The following COBL variants were observed in gnomAD, a reference collection of about 807,000 sequenced individuals.
COBL encodes cordon-bleu WH2 repeat protein.
COBL carries 51 observed loss-of-function variants against 98.8 expected under a neutral mutation model. The observed-to-expected ratio is 0.52, with a 90% CI of 0.41 to 0.65. The LOEUF (loss-of-function observed/expected upper bound fraction) is 0.65. Ranked by LOEUF, COBL falls within the 30% of genes least tolerant of loss-of-function variation. The probability of loss-of-function intolerance (pLI) is 0.00; values close to 1 mark genes in which losing one functional copy is unlikely to be tolerated. For synonymous variants in COBL, 634 were observed against 651.7 expected (o/e 0.97, Z 0.41); for missense variants, 1,617 against 1,617.5 (o/e 1.00, Z 0.01).
intron 1 of COBL, among the ~76,000 whole-genome samples, chr7:51,278,296 G>A (rs1343888982): frequency 6.6e-6 from 1 of 151,854 alleles, no homozygotes; most frequent in East Asian, 1.9e-4. Context: ...AGAGCCAGGT[G>A]GACAAGGCAC....
rs186536711 is a variant in COBL at position 51,024,426 on chromosome 7, A to G, written c.3768+683T>C. 2.8e-3 allele frequency among the ~76,000 whole-genome samples: 423 copies of G among 152,340 alleles called. 3 individuals are homozygous for G. Among genetic ancestry groups the G allele is most frequent in the African/African-American group, 9.9e-3 (410 of 41,580 alleles). On this transcript the variant is annotated intron_variant, in intron 12 of 12. Coordinates refer to ENST00000265136, the MANE Select transcript of COBL (RefSeq NM_015198.5). ...AGGAATGGGCAGGGACGGAGGGTCA[A>G]TCCATTACTGAATCATGTCAGAATT...
intron 1 of COBL, among the ~76,000 whole-genome samples, chr7:51,292,961 G>C (rs1025240880): frequency 6.6e-6 from 1 of 152,182 alleles, no homozygotes; most frequent in Non-Finnish European, 1.5e-5. Flanking sequence ...AGAATTGAAG[G>C]AATAAGTTAC....
chr7:51,267,153 T>C (rs1322498163), intron 1 of COBL, among the ~76,000 whole-genome samples: 1 of 152,174 alleles, frequency 6.6e-6, no homozygotes, highest in Non-Finnish European at 1.5e-5. Flanking sequence ...AATAAGTATC[T>C]CATTTACTTT....
chr7:51,124,276 T>A (rs1156294570), intron 6 of COBL, among the ~76,000 whole-genome samples: 4 of 152,194 alleles, frequency 2.6e-5, no homozygotes. Context: ...CCAGTGTACT[T>A]CCACATGCAA....
chr7:51,257,095 C>A (rs28460869), intron 1 of COBL, among the ~76,000 whole-genome samples: 3 of 152,090 alleles, frequency 2.0e-5, no homozygotes, highest in Non-Finnish European at 2.9e-5. Flanking sequence ...AGCTTCCTAG[C>A]GGTCATGGCA....
chr7:51,210,562 C>A (rs529942302), intron 2 of COBL, among the ~76,000 whole-genome samples: 3 of 152,308 alleles, frequency 2.0e-5, no homozygotes, highest in South Asian at 4.1e-4. Context: ...CAGGTAAACA[C>A]AGCTTTCTAA....
intron 1 of COBL, among the ~76,000 whole-genome samples, chr7:51,226,860 A>G (rs998320397): frequency 6.6e-5 from 10 of 152,158 alleles, no homozygotes; most frequent in African/African-American, 2.4e-4. Context: ...TACCCCTGGC[A>G]ACTTCATATG....
At chr7:51,090,656 C>A (rs1183121713) in intron 6 of COBL, among the ~76,000 whole-genome samples, 1 of 152,190 alleles carries the variant, frequency 6.6e-6, no homozygotes, top group Non-Finnish European at 1.5e-5. Flanking sequence ...CAGGCAAAGG[C>A]CAGCACAGCT....
At chr7:51,036,119 A>C (rs947629376) in intron 8 of COBL, among the ~76,000 whole-genome samples, 4 of 152,166 alleles carry the variant, frequency 2.6e-5, no homozygotes, top group African/African-American at 9.7e-5. Context: ...AGGTGGGCAG[A>C]TCACTTGAGG....
At chr7:51,191,204 G>A in intron 3 of COBL, 126 bp from the exon 4 acceptor site, 1 of 744,690 alleles carries the variant, frequency 1.3e-6, no homozygotes, top group Non-Finnish European at 2.3e-6. Context: ...TCCACAAATT[G>A]AGTGAGTAAT....
intron 1 of COBL, among the ~76,000 whole-genome samples, chr7:51,238,966 T>C (rs1795523162): frequency 6.6e-6 from 1 of 152,232 alleles, no homozygotes; most frequent in Admixed American, 6.5e-5. Flanking sequence ...TCTGGAATGC[T>C]GGTAGCGTAC....
At position 51,219,833 on chromosome 7, in the gene COBL, C is replaced by T. The variant is rs768718926; in HGVS notation, c.153G>A (p.Leu51=). 62 of 1,613,978 alleles carry T rather than the reference C, an allele frequency of 3.8e-5. No individual in the cohort carries two copies. In the East Asian group the frequency reaches 1.1e-3, roughly 29 times the overall value. Residue 51 remains leucine (L), a synonymous_variant, in exon 2 of 13, where the codon TTG becomes TTA. Transcript: ENST00000265136. ...CCCTCAGCGCCTCCTTCATGCGAAC[C>T]AAGTTCTGCTGCGACCCGAGGGCCC... ...HDGALGSQQN[L]VRMKEALRAS...
At chr7:51,057,652 T>C (rs1790898896) in intron 7 of COBL, among the ~76,000 whole-genome samples, 1 of 152,164 alleles carries the variant, frequency 6.6e-6, no homozygotes, top group Non-Finnish European at 1.5e-5. Context: ...AGCCAGCAAA[T>C]TAAATGTTTC....
intron 8 of COBL, among the ~76,000 whole-genome samples, chr7:51,041,410 A>G (rs1456639372): frequency 6.6e-6 from 1 of 152,038 alleles, no homozygotes; most frequent in Non-Finnish European, 1.5e-5. Flanking sequence ...TATATTATAA[A>G]AGCATTCATT....
chr7:51,276,379 A>G (rs1799312387), intron 1 of COBL, among the ~76,000 whole-genome samples: 1 of 152,138 alleles, frequency 6.6e-6, no homozygotes, highest in Admixed American at 6.5e-5. Flanking sequence ...ATGGAACCTG[A>G]GCTTCTATGA....
At chr7:51,257,883 C>T (rs1166363893) in intron 1 of COBL, among the ~76,000 whole-genome samples, 1 of 152,054 alleles carries the variant, frequency 6.6e-6, no homozygotes, top group Admixed American at 6.6e-5. Flanking sequence ...CTGTCTATTC[C>T]TATAAGACCT....
At chr7:51,255,488 G>C (rs1026612768) in intron 1 of COBL, among the ~76,000 whole-genome samples, 1 of 152,172 alleles carries the variant, frequency 6.6e-6, no homozygotes, top group African/African-American at 2.4e-5. Flanking sequence ...TTTCATTCCC[G>C]CATCGTGTTC....
intron 9 of COBL, 134 bp from the exon 10 acceptor site, chr7:51,029,725 G>T (rs1787969260): frequency 1.4e-6 from 1 of 732,002 alleles, no homozygotes; most frequent in Non-Finnish European, 2.1e-6. Context: ...TGTTATTTGG[G>T]TTTGTAATCT....
intron 1 of COBL, among the ~76,000 whole-genome samples, chr7:51,295,460 C>T (rs1237038746): frequency 1.3e-5 from 2 of 152,042 alleles, no homozygotes; most frequent in African/African-American, 2.4e-5. Context: ...AAATACTGCC[C>T]AATTAACTGG....
Sources: gnomAD v4.1 joint callset for allele counts (sites outside exome capture counted in the v4.1 genomes callset) on GRCh38, gnomAD v4.1.1 for gene constraint, MANE v1.5 for transcripts, NCBI Gene and HGNC (gene_info 2026-07-23, HGNC 2026-07-21) for gene names.